TBC1D5: variants seen among roughly 807,000 people sequenced by gnomAD.
TBC1D5 encodes TBC1 domain family, member 5.
A neutral mutation model predicts 100.3 loss-of-function variants in TBC1D5; 75 were observed. That is an observed-to-expected ratio of 0.75 (90% CI 0.62 to 0.91). The LOEUF (loss-of-function observed/expected upper bound fraction) is 0.91, where lower values mean the gene tolerates loss of function less well. TBC1D5 is among the 40% of genes least tolerant of loss of function. The probability of loss-of-function intolerance (pLI) is 0.00; values close to 1 mark genes in which losing one functional copy is unlikely to be tolerated. For missense variants in TBC1D5, 910 were observed against 942.4 expected, an observed-to-expected ratio of 0.97 and a Z score of 0.45; for synonymous variants, 323 against 325.6, an observed-to-expected ratio of 0.99 and a Z score of 0.09.
chr3:17,659,704 A>G (rs892520179), intron 1 of TBC1D5, among the ~76,000 whole-genome samples: 2 of 152,162 alleles, frequency 1.3e-5, no homozygotes, highest in African/African-American at 4.8e-5. Flanking sequence ...CCAGGGACAG[A>G]CAATTCAAAC....
chr3:17,566,956 G>T (rs1234120682), intron 2 of TBC1D5, among the ~76,000 whole-genome samples: 1 of 151,692 alleles, frequency 6.6e-6, no homozygotes, highest in Admixed American at 6.6e-5. Context: ...GAATGTCTTT[G>T]ATATACATAA....
intron 1 of TBC1D5, among the ~76,000 whole-genome samples, chr3:17,710,564 C>CAATAAATAAATA (rs200722930): frequency 5.2e-4 from 77 of 149,076 alleles, no homozygotes; most frequent in African/African-American, 1.8e-3. Flanking sequence ...AACTCCATCT[C>CAATAAATAAATA]AATAAATAAA....
chr3:17,726,199 T>C (rs1350350925), intron 1 of TBC1D5, among the ~76,000 whole-genome samples: 1 of 152,224 alleles, frequency 6.6e-6, no homozygotes, highest in African/African-American at 2.4e-5. Flanking sequence ...GTTTTTATGA[T>C]ATAAAAATTT....
chr3:17,475,160 G>A (rs188229165), intron 3 of TBC1D5, among the ~76,000 whole-genome samples: 5 of 151,616 alleles, frequency 3.3e-5, no homozygotes, highest in African/African-American at 4.9e-5. Context: ...AAGAGTATCC[G>A]GTGGTTCTAC....
intron 4 of TBC1D5, among the ~76,000 whole-genome samples, chr3:17,408,673 C>T (rs1444882432): frequency 6.6e-6 from 1 of 151,944 alleles, no homozygotes; most frequent in Non-Finnish European, 1.5e-5. Context: ...TTTTAGTGTG[C>T]CTTATTGATT....
chr3:17,387,310 T>C (rs765726179), intron 8 of TBC1D5, among the ~76,000 whole-genome samples: 3 of 152,088 alleles, frequency 2.0e-5, no homozygotes, highest in Non-Finnish European at 4.4e-5. Flanking sequence ...TGCCAAGGTA[T>C]CTGGGTAGTT....
chr3:17,308,475 A>G (rs1324710432), intron 13 of TBC1D5, among the ~76,000 whole-genome samples: 1 of 152,152 alleles, frequency 6.6e-6, no homozygotes, highest in East Asian at 1.9e-4. Flanking sequence ...TAAGGTTGTA[A>G]GTTAAAAATA....
At chr3:17,206,287 T>A (rs748740566) in intron 18 of TBC1D5, among the ~76,000 whole-genome samples, 1 of 152,216 alleles carries the variant, frequency 6.6e-6, no homozygotes, top group African/African-American at 2.4e-5. Flanking sequence ...ATGCATCTCA[T>A]GTGGATGAGA....
intron 3 of TBC1D5, among the ~76,000 whole-genome samples, chr3:17,450,132 G>C (rs559105359): frequency 6.6e-6 from 1 of 152,296 alleles, no homozygotes; most frequent in African/African-American, 2.4e-5. Context: ...CAGAATTGCA[G>C]AAGAGGGGCC....
At chr3:17,732,247 G>C (rs1444898251) in intron 1 of TBC1D5, among the ~76,000 whole-genome samples, 1 of 151,944 alleles carries the variant, frequency 6.6e-6, no homozygotes, top group African/African-American at 2.4e-5. Context: ...GAACCTATGA[G>C]GCAGAGATTG....
At chr3:17,403,941 G>C (rs1367311354) in intron 7 of TBC1D5, among the ~76,000 whole-genome samples, 1 of 152,104 alleles carries the variant, frequency 6.6e-6, no homozygotes, top group African/African-American at 2.4e-5. Flanking sequence ...AACCTGACCT[G>C]AATTCCCAAT....
intron 1 of TBC1D5, among the ~76,000 whole-genome samples, chr3:17,682,899 A>G (rs2069695456): frequency 6.6e-6 from 1 of 151,462 alleles, no homozygotes; most frequent in Non-Finnish European, 1.5e-5. Context: ...CATTCATACC[A>G]ATATCACCCA....
intron 13 of TBC1D5, among the ~76,000 whole-genome samples, chr3:17,311,001 T>C (rs535604063): frequency 2.0e-5 from 3 of 152,030 alleles, no homozygotes; most frequent in Non-Finnish European, 4.4e-5. Flanking sequence ...TTGGGCTTTC[T>C]TCATTGAGCT....
intron 3 of TBC1D5, among the ~76,000 whole-genome samples, chr3:17,464,719 C>G (rs1313570018): frequency 6.6e-6 from 1 of 152,134 alleles, no homozygotes; most frequent in African/African-American, 2.4e-5. Context: ...TGAATCATCT[C>G]TTTTTTTCAT....
chr3:17,623,482 A>T (rs1169030740), intron 2 of TBC1D5, among the ~76,000 whole-genome samples: 3 of 152,194 alleles, frequency 2.0e-5, no homozygotes, highest in Non-Finnish European at 4.4e-5. Flanking sequence ...TTATCTGCTG[A>T]TGATTATGTT....
In TBC1D5 at chr3:17,544,516, T is replaced by TA. The variant is rs1056757589; in HGVS notation, c.-35-35912dup. On this transcript the variant is annotated intron_variant, in intron 2 of 21. Coordinates refer to ENST00000253692, the Ensembl canonical transcript of TBC1D5. Reference sequence around the variant, plus strand: ...ATATACAAAAATTGGCTGGGTGTGGTAGCACATGCCTGTTATCCCAGCTAC... The same window carrying TA: ...ATATACAAAAATTGGCTGGGTGTGGTAAGCACATGCCTGTTATCCCAGCTAC... Among the ~76,000 whole-genome samples the TA allele has an allele frequency of 3.3e-5, 5 of 152,136 alleles. No individual in the cohort carries two copies. The South Asian group carries it at 1.0e-3, about 32-fold the overall frequency.
chr3:17,449,082 G>A (rs1022218889), intron 3 of TBC1D5, among the ~76,000 whole-genome samples: 5 of 152,282 alleles, frequency 3.3e-5, no homozygotes, highest in Non-Finnish European at 2.9e-5. Context: ...GCAGCCCACC[G>A]AGGGTGAGCA....
intron 13 of TBC1D5, among the ~76,000 whole-genome samples, chr3:17,348,710 G>A (rs945820368): frequency 2.6e-5 from 4 of 152,214 alleles, no homozygotes; most frequent in African/African-American, 7.2e-5. Flanking sequence ...TTTATTAGCC[G>A]TTGTGGAGTA....
chr3:17,354,041 T>C (rs1220879428), intron 13 of TBC1D5, among the ~76,000 whole-genome samples: 2 of 151,998 alleles, frequency 1.3e-5, no homozygotes. Flanking sequence ...TAACAAAATA[T>C]GTACATAAAA....
Sources: gnomAD v4.1 joint callset for allele counts (sites outside exome capture counted in the v4.1 genomes callset) on GRCh38, gnomAD v4.1.1 for gene constraint, MANE v1.5 for transcripts, NCBI Gene and HGNC (gene_info 2026-07-23, HGNC 2026-07-21) for gene names.